Variants in DNPEP observed in about 807,000 individuals in gnomAD.
DNPEP encodes aspartyl aminopeptidase.
In DNPEP, 46 loss-of-function variants were observed where a neutral mutation model predicts 59.1. The observed-to-expected ratio is 0.78, with a 90% confidence interval of 0.61 to 0.99. DNPEP has a LOEUF of 0.99. DNPEP is among the 50% of genes least tolerant of loss of function. DNPEP has a pLI of 0.00. For synonymous variants in DNPEP, 229 were observed against 242.2 expected, an observed-to-expected ratio of 0.95 and a Z score of 0.50; for missense variants, 617 against 649.9, an observed-to-expected ratio of 0.95 and a Z score of 0.55.
In DNPEP at chr2:219,385,639, T is replaced by C. The variant is rs746726545; in HGVS notation, c.658A>G (p.Asn220Asp). 1.2e-6 allele frequency: 2 copies of C among 1,612,736 alleles called. No homozygotes were observed. Among genetic ancestry groups the C allele is most frequent in the South Asian group, 2.2e-5 (2 of 90,718 alleles). Reference protein sequence around the residue: ...EKGTPEPGPLNAVDERHHSVL... With the variant: ...EKGTPEPGPLDAVDERHHSVL... ...TCAGGAGACTCTCTTACCACAGCAT[T>C]GAGAGGCCCTGGCTCAGGAGTCCCC... The change falls in exon 7 of 15, where the codon AAT becomes GAT. Residue 220 changes from asparagine (N) to aspartate (D), a missense_variant. Asn to Asp is a conservative substitution (Grantham distance 23, BLOSUM62 1). Coordinates refer to ENST00000273075, the MANE Select transcript of DNPEP (RefSeq NM_012100.4).
chr2:219,375,797 A>C (rs533662183), intron 13 of DNPEP, among the ~76,000 whole-genome samples: 1 of 152,138 alleles, frequency 6.6e-6, no homozygotes, highest in Admixed American at 6.6e-5. Flanking sequence ...TCTGACTTCA[A>C]GTGATCCACT....
In DNPEP at chr2:219,394,422, ATGT is replaced by A. The variant is rs199949034; in HGVS notation, c.-158+5515_-158+5517del. 3.2e-3 allele frequency among the ~76,000 whole-genome samples: 481 copies of A among 152,132 alleles called. 5 individuals are homozygous for A. The highest frequency in any genetic ancestry group is 0.011 in the African/African-American group (461 of 41,504). Reference sequence around the variant, plus strand: ...GGCTCCTCCTCATCTCCCATCTTTAATGTTGTTATTATTTTATTATATTCATGT... The same window carrying A: ...GGCTCCTCCTCATCTCCCATCTTTAATGTTATTATTTTATTATATTCATGT... On this transcript the variant is annotated intron_variant, in intron 1 of 6. Coordinates refer to the DNPEP transcript ENST00000434339.
chr2:219,387,873 C>G lies in DNPEP; in HGVS notation c.-79G>C, dbSNP rs1348140420. 2.0e-6 allele frequency: 3 copies of G among 1,468,940 alleles called. No individual in the cohort carries two copies. Among genetic ancestry groups the G allele is most frequent in the East Asian group, 5.5e-5 (2 of 36,504 alleles). 91.0% of individuals were successfully genotyped at this position (1,468,940 alleles called of 1,614,324 possible). On this transcript the variant is annotated 5_prime_UTR_variant, in exon 1 of 15. Coordinates refer to ENST00000273075, the MANE Select transcript of DNPEP (RefSeq NM_012100.4). ...AGCTTTGCAGGTCCCCCGCGTGCCC[C>G]TTCAGGCCGCGCCGCACTCGTAGGC...
At chr2:219,388,081 CT>C (rs1395101341), upstream of DNPEP, 2 of 448,202 alleles carry the variant, frequency 4.5e-6, no homozygotes, top group Admixed American at 1.1e-4. Context: ...TGCCCCGCCC[CT>C]AGCTTGGCCG....
At chr2:219,395,607 G>A (rs1954083812) in intron 1 of DNPEP, among the ~76,000 whole-genome samples, 1 of 152,246 alleles carries the variant, frequency 6.6e-6, no homozygotes, top group Non-Finnish European at 1.5e-5. Flanking sequence ...CATACATTCA[G>A]TAAATGGCAA....
chr2:219,393,244 A>C (rs1274636527), upstream of DNPEP, among the ~76,000 whole-genome samples: 1 of 152,194 alleles, frequency 6.6e-6, no homozygotes, highest in African/African-American at 2.4e-5. Flanking sequence ...CCTGGGCTGC[A>C]TGTGGTCCAT....
chr2:219,384,431 C>A lies in DNPEP; in HGVS notation c.787G>T (p.Ala263Ser), dbSNP rs181316361. The part of the protein sequence containing the change: ...ADTQPAVLGG[A>S]YDEFIFAPRL... Reference sequence around the variant, plus strand: ...GGAGCAAAGATGAACTCATCATAGGCACCACCCAAGACCTAGAGAGGTAAG... The same window carrying A: ...GGAGCAAAGATGAACTCATCATAGGAACCACCCAAGACCTAGAGAGGTAAG... Residue 263 changes from alanine (A) to serine (S), a missense_variant, in exon 9 of 15, where the codon GCC becomes TCC. Physicochemically the swap from Ala to Ser is moderately conservative, Grantham distance 99. Coordinates refer to ENST00000273075, the MANE Select transcript of DNPEP (RefSeq NM_012100.4). 3.3e-5 allele frequency: 53 copies of A among 1,611,048 alleles called. No homozygotes were observed. The highest frequency in any genetic ancestry group is 4.4e-5 in the Non-Finnish European group (52 of 1,178,702).
At chr2:219,390,691 A>C (rs1166865532), upstream of DNPEP, among the ~76,000 whole-genome samples, 1 of 152,166 alleles carries the variant, frequency 6.6e-6, no homozygotes, top group Non-Finnish European at 1.5e-5. Flanking sequence ...TTAGCTGGAC[A>C]TGGTGGTGTG....
chr2:219,384,902 CA>C, intron 8 of DNPEP: 1 of 168,484 alleles, frequency 5.9e-6, no homozygotes, highest in Non-Finnish European at 1.3e-5. Flanking sequence ...TGCTGAGGAA[CA>C]AAAGGGTGGA....
chr2:219,374,827 G>T (rs375490557), intron 14 of DNPEP, 28 bp downstream of exon 14: 66 of 1,602,552 alleles, frequency 4.1e-5, no homozygotes, highest in Non-Finnish European at 5.2e-5. Context: ...CAGCCCAGCT[G>T]CCAGAGAGGG....
intron 1 of DNPEP, 56 bp from the exon 2 acceptor site, chr2:219,387,219 C>A (rs1953885371): frequency 6.5e-7 from 1 of 1,536,996 alleles, no homozygotes; most frequent in Non-Finnish European, 8.8e-7. Flanking sequence ...GACCTTTCAC[C>A]CAGGTTCCGA....
At position 219,382,102 on chromosome 2, in the gene DNPEP, A is replaced by G. The variant is rs773834800; in HGVS notation, c.974T>C (p.Leu325Pro). ...SESAQGAQSL[L>P]TELVLRRISA... is the part of the protein sequence containing the mutation. Reference sequence around the variant, plus strand: ...GATCCGCCGCAGCACCAGCTCTGTCAGCAGTGACTGTGCTCCCTGTGCACT... The same window carrying G: ...GATCCGCCGCAGCACCAGCTCTGTCGGCAGTGACTGTGCTCCCTGTGCACT... Residue 325 changes from leucine (L) to proline (P), a missense_variant, in exon 11 of 15, where the codon CTG (leucine) becomes CCG (proline). Coordinates refer to ENST00000273075, the MANE Select transcript of DNPEP (RefSeq NM_012100.4). 3 of 1,613,354 alleles carry G rather than the reference A, an allele frequency of 1.9e-6. No homozygotes were observed. The highest frequency in any genetic ancestry group is 2.5e-6 in the Non-Finnish European group (3 of 1,180,028).
upstream of DNPEP, among the ~76,000 whole-genome samples, chr2:219,393,206 A>G (rs1954045942): frequency 6.6e-6 from 1 of 152,214 alleles, no homozygotes; most frequent in African/African-American, 2.4e-5. Context: ...AAGTTTACAA[A>G]TATGTGTTGG....
rs770317163 is a variant in DNPEP, at chr2:219,386,771, A to G, written c.227T>C (p.Met76Thr). ...TATGATGGTGGAGGAGTTCCTGGTCATGAAGTACTGAGGAGAAGGGGAGGA... is the reference window on the plus strand; with the variant it reads ...TATGATGGTGGAGGAGTTCCTGGTCGTGAAGTACTGAGGAGAAGGGGAGGA... ...WNIKPESKYFMTRNSSTIIAF... is the reference protein window; with the variant it reads ...WNIKPESKYFTTRNSSTIIAF... The change falls in exon 4 of 15, where the codon ATG becomes ACG. Residue 76 changes from methionine to threonine, a missense_variant. Physicochemically the swap from Met to Thr is moderately conservative, Grantham distance 81 (BLOSUM62 -1). Coordinates refer to ENST00000273075, the MANE Select transcript of DNPEP (RefSeq NM_012100.4). 6.2e-7 allele frequency: 1 copy of G among 1,613,152 alleles called. No homozygotes were observed. The highest frequency in any genetic ancestry group is 1.1e-5 in the South Asian group (1 of 90,898).
At chr2:219,381,471 A>G in intron 12 of DNPEP, 35 bp from the exon 13 acceptor site, 1 of 1,613,810 alleles carries the variant, frequency 6.2e-7, no homozygotes. Context: ...AGGTAATGAC[A>G]GGCCCAAAGG....
chr2:219,384,328 G>C, intron 9 of DNPEP, 38 bp downstream of exon 9: 7 of 1,578,286 alleles, frequency 4.4e-6, no homozygotes, highest in Non-Finnish European at 6.0e-6. Context: ...CACCTCTGCT[G>C]GTGGTTATGT....
intron 8 of DNPEP, chr2:219,384,758 AGGGTTTCACCATGGT>A (rs1953740618): frequency 7.6e-6 from 2 of 261,984 alleles, no homozygotes; most frequent in Non-Finnish European, 1.5e-5. Flanking sequence ...TATTAGAGAC[AGGGTTTCACCATGGT>A]GGTCAGGCTA....
intron 1 of DNPEP, 192 bp from the exon 2 acceptor site, chr2:219,387,355 A>C (rs992790416): frequency 2.1e-6 from 3 of 1,442,036 alleles, no homozygotes; most frequent in Admixed American, 2.9e-5. Context: ...CCGCCGGCCC[A>C]GGATCATGAG....
chr2:219,376,486 T>TA (rs542466059), intron 13 of DNPEP, among the ~76,000 whole-genome samples: 16,643 of 122,478 alleles, frequency 0.14, 1,020 homozygotes, highest in East Asian at 0.21. Context: ...AGACCCTGTC[T>TA]AAAAAAAAAA....
Sources: gnomAD v4.1 joint callset for allele counts (sites outside exome capture counted in the v4.1 genomes callset) on GRCh38, gnomAD v4.1.1 for gene constraint, MANE v1.5 for transcripts, NCBI Gene and HGNC (gene_info 2026-07-23, HGNC 2026-07-21) for gene names.